Variants in EYA2 observed in about 807,000 individuals in gnomAD.
The protein encoded by EYA2 is protein phosphatase EYA2.
A neutral mutation model predicts 69.2 loss-of-function variants in EYA2; 31 were observed. The observed-to-expected ratio is 0.45, with a 90% CI of 0.34 to 0.60. The LOEUF is 0.60. Among genes scored for constraint, EYA2 ranks in the 20% least tolerant of loss-of-function variants. The pLI, the probability that EYA2 is intolerant of heterozygous loss-of-function variation, is 0.02. For synonymous variants in EYA2, 257 were observed against 279.4 expected, an observed-to-expected ratio of 0.92 and a Z score of 0.80; for missense variants, 622 against 701.2, an observed-to-expected ratio of 0.89 and a Z score of 1.28.
chr20:46,979,753 T>G (rs1212021857), intron 1 of EYA2: 1 of 152,212 alleles, frequency 6.6e-6, no homozygotes, highest in Non-Finnish European at 1.5e-5. Flanking sequence ...GTGATCCTGA[T>G]GACAGTTTCC....
At chr20:47,117,943 C>T (rs2032948510) in intron 9 of EYA2, among the ~76,000 whole-genome samples, 1 of 152,228 alleles carries the variant, frequency 6.6e-6, no homozygotes, top group Admixed American at 6.5e-5. Context: ...TTCTCCTGAG[C>T]TCAGCTGTGT....
At chr20:46,938,296 G>A (rs11697704) in intron 1 of EYA2, among the ~76,000 whole-genome samples, 19,357 of 152,150 alleles carry the variant, frequency 0.13, 1,504 homozygotes, top group East Asian at 0.4. Flanking sequence ...GTGAAACCAT[G>A]AGAGTTACTT....
chr20:47,000,279 C>T (rs561848767), intron 2 of EYA2, among the ~76,000 whole-genome samples: 2 of 152,316 alleles, frequency 1.3e-5, no homozygotes, highest in East Asian at 3.9e-4. Flanking sequence ...CTTTCCTGTC[C>T]TTGCAAGATA....
At chr20:46,947,666 T>A (rs774585157) in intron 1 of EYA2, among the ~76,000 whole-genome samples, 1 of 152,174 alleles carries the variant, frequency 6.6e-6, no homozygotes, top group Non-Finnish European at 1.5e-5. Flanking sequence ...CACACACTGA[T>A]CTCCAAGTGT....
chr20:47,173,185 C>T (rs547005869), intron 12 of EYA2, among the ~76,000 whole-genome samples: 1 of 152,186 alleles, frequency 6.6e-6, no homozygotes, highest in South Asian at 2.1e-4. Context: ...CAAGTAGCAG[C>T]GACAGCATCA....
intron 4 of EYA2, among the ~76,000 whole-genome samples, chr20:47,006,160 T>C (rs924197941): frequency 2.6e-5 from 4 of 152,326 alleles, no homozygotes; most frequent in Admixed American, 2.6e-4. Flanking sequence ...GCCCCTCCTG[T>C]CTAGGACTTC....
At chr20:47,061,407 C>T (rs987056258) in intron 5 of EYA2, among the ~76,000 whole-genome samples, 1 of 151,988 alleles carries the variant, frequency 6.6e-6, no homozygotes, top group Non-Finnish European at 1.5e-5. Flanking sequence ...GTCATGTGCC[C>T]GTAGTCCCAG....
intron 4 of EYA2, among the ~76,000 whole-genome samples, chr20:47,012,248 G>A (rs992310337): frequency 3.3e-5 from 5 of 152,154 alleles, no homozygotes; most frequent in Non-Finnish European, 7.3e-5. Flanking sequence ...GCACCTTTTC[G>A]GAGGCCTCTT....
At position 47,100,412 on chromosome 20, in the gene EYA2, C is replaced by A. The variant is rs1006741377; in HGVS notation, c.888+3244C>A. Reference sequence around the variant, plus strand: ...ACATTCTCCAGCCCATCGCAGCCCCCACCTGGCCTGGTTAACCCATTCTTG... The same window carrying A: ...ACATTCTCCAGCCCATCGCAGCCCCAACCTGGCCTGGTTAACCCATTCTTG... On this transcript the variant is annotated intron_variant, in intron 9 of 15. Transcript: ENST00000327619. 3.9e-5 allele frequency among the ~76,000 whole-genome samples: 6 copies of A among 152,342 alleles called. No homozygotes were observed. The East Asian group carries it at 7.7e-4, about 20-fold the overall frequency.
intron 9 of EYA2, among the ~76,000 whole-genome samples, chr20:47,111,397 G>T (rs984451894): frequency 2.6e-5 from 4 of 152,186 alleles, no homozygotes; most frequent in Non-Finnish European, 4.4e-5. Context: ...TGGCAGAGAG[G>T]TTCTACTGAG....
chr20:46,908,166 G>C (rs1301115408), intron 1 of EYA2, among the ~76,000 whole-genome samples: 1 of 152,196 alleles, frequency 6.6e-6, no homozygotes, highest in East Asian at 1.9e-4. Flanking sequence ...CTCTGGACGT[G>C]GGGAATGCAG....
At chr20:47,136,933 G>A (rs2033490743) in intron 9 of EYA2, among the ~76,000 whole-genome samples, 1 of 151,956 alleles carries the variant, frequency 6.6e-6, no homozygotes, top group African/African-American at 2.4e-5. Flanking sequence ...GAACATTAGG[G>A]CACGCTAAGA....
intron 9 of EYA2, among the ~76,000 whole-genome samples, chr20:47,139,907 A>G (rs1172971276): frequency 1.3e-5 from 2 of 152,228 alleles, no homozygotes; most frequent in Admixed American, 6.5e-5. Flanking sequence ...TCAGTCAATC[A>G]TAACTTGAGC....
intron 9 of EYA2, among the ~76,000 whole-genome samples, chr20:47,102,978 C>T (rs1162580652): frequency 6.6e-6 from 1 of 152,218 alleles, no homozygotes; most frequent in African/African-American, 2.4e-5. Flanking sequence ...GTCAGCTTTC[C>T]TCCAGGGATT....
chr20:47,012,164 CCT>C (rs1983103605), intron 4 of EYA2, among the ~76,000 whole-genome samples: 1 of 152,150 alleles, frequency 6.6e-6, no homozygotes, highest in South Asian at 2.1e-4. Context: ...TTGTTGACAC[CCT>C]CTCTGAAATC....
chr20:47,070,006 G>C (rs1265082947), intron 5 of EYA2, among the ~76,000 whole-genome samples: 1 of 151,950 alleles, frequency 6.6e-6, no homozygotes, highest in Non-Finnish European at 1.5e-5. Flanking sequence ...TTGTGACCTT[G>C]AATTAGGCAA....
chr20:46,987,924 C>G (rs1422876752), intron 1 of EYA2, among the ~76,000 whole-genome samples: 1 of 23,974 alleles, frequency 4.2e-5, no homozygotes, highest in African/African-American at 2.0e-4. Flanking sequence ...AAGTCTCTCT[C>G]TCTCTCTCTC....
At chr20:47,032,736 T>A (rs1411884252) in intron 5 of EYA2, among the ~76,000 whole-genome samples, 2 of 152,210 alleles carry the variant, frequency 1.3e-5, no homozygotes, top group African/African-American at 4.8e-5. Flanking sequence ...GATTTTCTCA[T>A]CTGTGAAATG....
chr20:46,900,924 G>A (rs1024894907), intron 1 of EYA2, among the ~76,000 whole-genome samples: 3 of 152,274 alleles, frequency 2.0e-5, no homozygotes, highest in Non-Finnish European at 2.9e-5. Flanking sequence ...ACATGTATTA[G>A]GTCATGCGCT....
Sources: gnomAD v4.1 joint callset for allele counts (sites outside exome capture counted in the v4.1 genomes callset) on GRCh38, gnomAD v4.1.1 for gene constraint, MANE v1.5 for transcripts, NCBI Gene and HGNC (gene_info 2026-07-23, HGNC 2026-07-21) for gene names.